The following TRIM44 variants were observed in gnomAD, a reference collection of about 807,000 sequenced individuals.
The protein encoded by TRIM44 is tripartite motif containing 44, also known as tripartite motif-containing protein 44.
Under a neutral mutation model 37.4 loss-of-function variants are expected in TRIM44, and 13 were observed. The ratio of observed to expected loss-of-function variants is 0.35; its 90% confidence interval spans 0.23 to 0.55. TRIM44 has a LOEUF of 0.55. Among genes scored for constraint, TRIM44 ranks in the 20% least tolerant of loss-of-function variants. The pLI is 0.89. For synonymous variants in TRIM44, 175 were observed against 157.2 expected (o/e 1.11, Z -0.85); for missense variants, 426 against 437.2 (o/e 0.97, Z 0.23).
chr11:35,741,139 G>A (rs888085363), intron 4 of TRIM44, among the ~76,000 whole-genome samples: 6 of 152,106 alleles, frequency 3.9e-5, no homozygotes, highest in Non-Finnish European at 8.8e-5. Flanking sequence ...TGATACTTGT[G>A]ATATGGAATG....
chr11:35,768,884 A>G (rs777666791), intron 4 of TRIM44, among the ~76,000 whole-genome samples: 4 of 152,232 alleles, frequency 2.6e-5, no homozygotes, highest in Admixed American at 6.5e-5. Flanking sequence ...TCATCAGCCA[A>G]TTCTGGCCTA....
chr11:35,683,634 C>A (rs1290935237), intron 1 of TRIM44, among the ~76,000 whole-genome samples: 2 of 152,060 alleles, frequency 1.3e-5, no homozygotes, highest in South Asian at 2.1e-4. Flanking sequence ...GAGTTTACCT[C>A]TTTTTGCTTC....
chr11:35,687,886 A>G (rs1338606319), intron 2 of TRIM44, among the ~76,000 whole-genome samples: 1 of 151,714 alleles, frequency 6.6e-6, no homozygotes, highest in Non-Finnish European at 1.5e-5. Context: ...AACCTATTTT[A>G]TTTTCAAGCC....
At chr11:35,759,232 C>G (rs1036321494) in intron 4 of TRIM44, among the ~76,000 whole-genome samples, 3 of 152,152 alleles carry the variant, frequency 2.0e-5, no homozygotes, top group Admixed American at 6.5e-5. Flanking sequence ...CTTCTCTTCT[C>G]GCTTCATTTC....
At chr11:35,735,195 T>G (rs1187014061) in intron 3 of TRIM44, among the ~76,000 whole-genome samples, 1 of 152,176 alleles carries the variant, frequency 6.6e-6, no homozygotes, top group Non-Finnish European at 1.5e-5. Context: ...TGCATTCACT[T>G]CTCTGCTCTG....
intron 3 of TRIM44, 133 bp downstream of exon 3, chr11:35,726,296 G>T: frequency 2.6e-6 from 3 of 1,159,236 alleles, no homozygotes; most frequent in Non-Finnish European, 3.6e-6. Flanking sequence ...TTCACATGGT[G>T]TATAAACCAG....
chr11:35,787,806 G>A (rs749786659), intron 4 of TRIM44, among the ~76,000 whole-genome samples: 15 of 152,122 alleles, frequency 9.9e-5, no homozygotes, highest in East Asian at 1.9e-4. Context: ...TTTGTGACCC[G>A]CCTGAACCTT....
chr11:35,673,071 A>C (rs1359927225), intron 1 of TRIM44, among the ~76,000 whole-genome samples: 1 of 152,234 alleles, frequency 6.6e-6, no homozygotes, highest in Non-Finnish European at 1.5e-5. Flanking sequence ...GTATGCAGTG[A>C]ACTAGACAGA....
intron 2 of TRIM44, among the ~76,000 whole-genome samples, chr11:35,715,383 C>A (rs1386129541): frequency 6.7e-6 from 1 of 150,122 alleles, no homozygotes; most frequent in Non-Finnish European, 1.5e-5. Context: ...TGGTCCTGAG[C>A]CTATATTATT....
chr11:35,779,629 C>T (rs1853032787), intron 4 of TRIM44, among the ~76,000 whole-genome samples: 1 of 152,150 alleles, frequency 6.6e-6, no homozygotes. Context: ...TCCCACTTCT[C>T]ATTCTTGTTG....
At position 35,806,509 on chromosome 11, in the gene TRIM44, C is replaced by T. The variant is rs1455164747; in HGVS notation, c.*124C>T. ...CAAACGTACTTCCACCAGATGTGTC[C>T]CCAGATCCACAGCAGGCACATATCT... On this transcript the variant is annotated 3_prime_UTR_variant, in exon 5 of 5. Coordinates refer to ENST00000299413, the MANE Select transcript of TRIM44 (RefSeq NM_017583.6). 8.9e-6 allele frequency: 9 copies of T among 1,015,298 alleles called. No homozygotes were observed. The highest frequency in any genetic ancestry group is 1.8e-5 in the Admixed American group (1 of 55,672). 62.9% of individuals were successfully genotyped at this position (1,015,298 alleles called of 1,614,324 possible).
rs550467005 is a variant in TRIM44, at chr11:35,755,986, G to T, written c.1007+20541G>T. ...TGGCTTAGGATTGACTTGGCAATGT[G>T]GGCTCTTTTTTGGTTCCATATGAAC... is the stretch of plus-strand genomic sequence containing the variant. On this transcript the variant is annotated intron_variant, in intron 4 of 4. Coordinates refer to ENST00000299413, the MANE Select transcript of TRIM44 (RefSeq NM_017583.6). Among the ~76,000 whole-genome samples the T allele has an allele frequency of 3.6e-4, 55 of 151,172 alleles. 1 individual carries two copies. In the South Asian group the frequency reaches 0.011, roughly 30 times the overall value.
rs549626841 is a variant in TRIM44, at chr11:35,720,909, C to CTTT, written c.748-5001_748-4999dup. 1.8e-3 allele frequency among the ~76,000 whole-genome samples: 242 copies of CTTT among 138,028 alleles called. 2 individuals carry two copies. Among genetic ancestry groups the CTTT allele is most frequent in the African/African-American group, 6.1e-3 (230 of 37,972 alleles). The allele number at this position is 138,028 out of a possible 152,430, so 90.6% of individuals were successfully genotyped here. A position where few individuals can be genotyped will look rare whatever the true frequency, so the allele number is the denominator to read the frequency against. ...CTCATTTATGTCATGGTATATAATT[C>CTTT]TTTTTTTTTTTTTTTTAACAGTCTT... On this transcript the variant is annotated intron_variant, in intron 2 of 4. Coordinates refer to ENST00000299413, the MANE Select transcript of TRIM44 (RefSeq NM_017583.6).
intron 3 of TRIM44, among the ~76,000 whole-genome samples, chr11:35,730,297 A>G (rs1852239637): frequency 6.6e-6 from 1 of 152,260 alleles, no homozygotes; most frequent in Non-Finnish European, 1.5e-5. Context: ...GATCCAATCT[A>G]AACAGCAGCA....
At position 35,815,517 on chromosome 11, in the gene TRIM44, T is replaced by G. The variant is rs1308438276; in HGVS notation, c.*9132T>G. On this transcript the variant is annotated 3_prime_UTR_variant, in exon 5 of 5. Transcript: ENST00000299413. ...GTATTTCTCAACACTCAAGCCAATTTCCCATTTGATAACAAGTAGGTTCTG... is the reference window on the plus strand; with the variant it reads ...GTATTTCTCAACACTCAAGCCAATTGCCCATTTGATAACAAGTAGGTTCTG... 1 of 152,150 alleles carries G rather than the reference T, an allele frequency of 6.6e-6. No homozygotes were observed. Among genetic ancestry groups the G allele is most frequent in the Non-Finnish European group, 1.5e-5 (1 of 68,014 alleles). 9.4% of individuals were successfully genotyped at this position (152,150 alleles called of 1,614,324 possible). A position where few individuals can be genotyped will look rare whatever the true frequency, so the allele number is the denominator to read the frequency against.
intron 4 of TRIM44, among the ~76,000 whole-genome samples, chr11:35,784,186 C>G (rs565395021): frequency 8.5e-4 from 130 of 152,306 alleles, no homozygotes; most frequent in Non-Finnish European, 1.3e-3. Context: ...GAAATGACCT[C>G]TCTTATGTTT....
At chr11:35,671,809 G>T (rs1221452277) in intron 1 of TRIM44, among the ~76,000 whole-genome samples, 4 of 152,308 alleles carry the variant, frequency 2.6e-5, no homozygotes, top group Non-Finnish European at 4.4e-5. Context: ...TTGCTGTATT[G>T]CAGTTTTGGT....
chr11:35,737,703 G>A (rs1332370977), intron 4 of TRIM44, among the ~76,000 whole-genome samples: 1 of 152,036 alleles, frequency 6.6e-6, no homozygotes, highest in Non-Finnish European at 1.5e-5. Context: ...AAGGGTGGTG[G>A]CGCACACCTG....
intron 2 of TRIM44, among the ~76,000 whole-genome samples, chr11:35,697,625 C>T (rs1343124423): frequency 1.3e-5 from 2 of 151,472 alleles, no homozygotes; most frequent in Non-Finnish European, 1.5e-5. Flanking sequence ...CACAACAGTC[C>T]CCAGAGTGTG....
Sources: allele counts gnomAD v4.1 joint callset (sites outside exome capture counted in the v4.1 genomes callset), GRCh38; gene constraint gnomAD v4.1.1; transcripts MANE v1.5; gene names NCBI Gene and HGNC (gene_info 2026-07-23, HGNC 2026-07-21).